MYCL: variants seen among roughly 807,000 people sequenced by gnomAD.
MYCL encodes protein L-Myc.
MYCL carries 11 observed loss-of-function variants against 31.0 expected under a neutral mutation model. The ratio of observed to expected loss-of-function variants is 0.35; its 90% CI spans 0.22 to 0.59. The LOEUF is 0.59. Ranked by LOEUF, MYCL falls within the 20% of genes least tolerant of loss-of-function variation. The pLI is 0.79. For missense variants in MYCL, 427 were observed against 486.1 expected (o/e 0.88, Z 1.14); for synonymous variants, 208 against 202.4 (o/e 1.03, Z -0.23).
rs1644541193 is a variant in MYCL at position 39,901,602 on chromosome 1, C to A, written c.-168G>T. 4.9e-6 allele frequency: 7 copies of A among 1,428,418 alleles called. No homozygotes were observed. In the South Asian group the frequency reaches 1.0e-4, roughly 21 times the overall value. 88.5% of individuals were successfully genotyped at this position (1,428,418 alleles called of 1,614,324 possible). A position where few individuals can be genotyped will look rare whatever the true frequency, so the allele number is the denominator to read the frequency against. On this transcript the variant is annotated 5_prime_UTR_variant, in exon 1 of 2. Coordinates refer to ENST00000372816, the MANE Select transcript of MYCL (RefSeq NM_001033081.3). The surrounding 1 kb of genome is among the most constrained non-coding windows in gnomAD (Gnocchi z 6.9). ...CCTCGCGTCCCGGGAAGCCGGGCCCCGGGTCAGAGTGGTAGGGGAAGCCAA... is the reference window on the plus strand; with the variant it reads ...CCTCGCGTCCCGGGAAGCCGGGCCCAGGGTCAGAGTGGTAGGGGAAGCCAA...
chr1:39,897,313 G>T lies in MYCL; in HGVS notation c.*59C>A. ...ATGTGCAAATTACTAAAGGGGAGAG[G>T]GAGGTTAAAAAATAAACTTGTGTCT... On this transcript the variant is annotated 3_prime_UTR_variant, in exon 2 of 2. Transcript: ENST00000372816. This position sits in a 1 kb window ranked among gnomAD's most constrained non-coding sequence, Gnocchi z 4.3. 1 of 1,454,136 alleles carries T rather than the reference G, an allele frequency of 6.9e-7. No individual in the cohort carries two copies. The highest frequency in any genetic ancestry group is 9.3e-7 in the Non-Finnish European group (1 of 1,073,208). 90.1% of individuals were successfully genotyped at this position (1,454,136 alleles called of 1,614,324 possible).
rs1473230348 is a variant in MYCL, at chr1:39,901,728, C to T, written c.-294G>A. On this transcript the variant is annotated 5_prime_UTR_variant, in exon 1 of 2. Transcript: ENST00000372816. The surrounding 1 kb of genome is among the most constrained non-coding windows in gnomAD (Gnocchi z 6.9). Reference sequence around the variant, plus strand: ...AGGGCCCGGCGGGGCCGGGCGGGGGCGCGCCGTGCCCAGAAGGCAGCCTGC... The same window carrying T: ...AGGGCCCGGCGGGGCCGGGCGGGGGTGCGCCGTGCCCAGAAGGCAGCCTGC... The T allele has an allele frequency of 5.0e-6, 6 of 1,210,216 alleles. No individual in the cohort carries two copies. The highest frequency in any genetic ancestry group is 6.1e-6 in the Non-Finnish European group (6 of 977,526). The allele number at this position is 1,210,216 out of a possible 1,614,324, so 75.0% of individuals were successfully genotyped here.
intron 1 of MYCL, chr1:39,900,464 T>A: frequency 9.8e-7 from 1 of 1,015,430 alleles, no homozygotes; most frequent in Non-Finnish European, 1.2e-6. Flanking sequence ...ATTATTGGCA[T>A]TTTAAAGTAA....
intron 1 of MYCL, chr1:39,899,476 C>T (rs1470965048): frequency 6.9e-6 from 2 of 288,346 alleles, no homozygotes; most frequent in Admixed American, 1.3e-4. Context: ...CAAGTCCAAC[C>T]CCATCGTGTG....
Position 39,901,267 on chromosome 1 carries a change from G to A in MYCL, c.168C>T (p.Pro56=), listed in dbSNP as rs1201282593. 5.0e-6 allele frequency: 8 copies of A among 1,600,890 alleles called. No individual in the cohort carries two copies. The highest frequency in any genetic ancestry group is 4.3e-6 in the Non-Finnish European group (5 of 1,174,324). The change falls in exon 1 of 2, where the codon CCC becomes CCT. Residue 56 remains proline, a synonymous_variant. Coordinates refer to ENST00000372816, the MANE Select transcript of MYCL (RefSeq NM_001033081.3). This position sits in a 1 kb window ranked among gnomAD's most constrained non-coding sequence, Gnocchi z 6.9. ...GCCACGGCTCCGGGGGACCAATCCC[G>A]GGGGCCGGGTCCCCTGCGCCGGGAC... ...GLGPGAGDPA[P]GIGPPEPWPG...
intron 1 of MYCL, chr1:39,899,546 G>T: frequency 1.1e-6 from 1 of 890,736 alleles, no homozygotes; most frequent in Non-Finnish European, 1.3e-6. Context: ...GTAACGTTCT[G>T]GATCTCAAAC....
chr1:39,900,393 C>T (rs752254802), intron 1 of MYCL: 23 of 987,584 alleles, frequency 2.3e-5, no homozygotes, highest in Non-Finnish European at 2.6e-5. Flanking sequence ...ATTCTTCCCT[C>T]CCTGTCTCAG....
rs1448740091 is a variant in MYCL at position 39,897,545 on chromosome 1, C to A, written c.922G>T (p.Val308Leu). Residue 308 changes from valine to leucine, a missense_variant, in exon 2 of 2, where the codon GTG becomes TTG. Transcript: ENST00000372816. This position sits in a 1 kb window ranked among gnomAD's most constrained non-coding sequence, Gnocchi z 4.3. Reference sequence around the variant, plus strand: ...TTGGAGCAGCTGGCCAGGGTGGGCACCTGGTCCCTCAGCGCCAAGAATCGC... The same window carrying A: ...TTGGAGCAGCTGGCCAGGGTGGGCAACTGGTCCCTCAGCGCCAAGAATCGC... ...RSRFLALRDQ[V>L]PTLASCSKAP... 1 of 1,614,208 alleles carries A rather than the reference C, an allele frequency of 6.2e-7. No homozygotes were observed. Among genetic ancestry groups the A allele is most frequent in the South Asian group, 1.1e-5 (1 of 91,080 alleles).
In MYCL at chr1:39,896,451, G is replaced by A. The variant is rs976366600; in HGVS notation, c.*921C>T. The stretch of plus-strand genomic sequence containing the variant: ...CTCTGAGGTGTCTTACACCTGCCTT[G>A]AGAAAAGACTGGGCCTCAAGTGCCC... On this transcript the variant is annotated 3_prime_UTR_variant, in exon 2 of 2. Transcript: ENST00000372816. 2 of 212,196 alleles carry A rather than the reference G, an allele frequency of 9.4e-6. No homozygotes were observed. Among genetic ancestry groups the A allele is most frequent in the African/African-American group, 4.5e-5 (2 of 44,144 alleles). 13.1% of individuals were successfully genotyped at this position (212,196 alleles called of 1,614,324 possible).
At chr1:39,898,355 C>T (rs996669175) in intron 1 of MYCL, among the ~76,000 whole-genome samples, 1 of 152,234 alleles carries the variant, frequency 6.6e-6, no homozygotes, top group Admixed American at 6.5e-5. Flanking sequence ...CAGTCGGGCT[C>T]TTTCATGCCC....
At position 39,901,150 on chromosome 1, in the gene MYCL, C is replaced by T; in HGVS notation, c.285G>A (p.Met95Ile). Residue 95 changes from methionine (M) to isoleucine (I), a missense_variant, in exon 1 of 2, where the codon ATG becomes ATA. Coordinates refer to ENST00000372816, the MANE Select transcript of MYCL (RefSeq NM_001033081.3). The surrounding 1 kb of genome is among the most constrained non-coding windows in gnomAD (Gnocchi z 6.9). ...NYASIIRRDC[M>I]WSGFSARERL... The stretch of plus-strand genomic sequence containing the variant: ...GTTCCCGGGCCGAGAAGCCGCTCCA[C>T]ATGCAGTCACGGCGTATGATGGAGG... 1 of 1,612,574 alleles carries T rather than the reference C, an allele frequency of 6.2e-7. No homozygotes were observed. Among genetic ancestry groups the T allele is most frequent in the Non-Finnish European group, 8.5e-7 (1 of 1,179,446 alleles).
intron 1 of MYCL, 47 bp downstream of exon 1, chr1:39,900,892 C>A: frequency 6.6e-7 from 1 of 1,507,466 alleles, no homozygotes; most frequent in Non-Finnish European, 8.8e-7. Context: ...AGAGCTTTGG[C>A]CACCCATGGG....
At chr1:39,900,634 A>G (rs1352093866) in intron 1 of MYCL, 3 of 1,289,922 alleles carry the variant, frequency 2.3e-6, no homozygotes, top group Non-Finnish European at 3.0e-6. Context: ...ACCCCCTTCA[A>G]TCCCTTACAG....
At chr1:39,900,447 GGCATTTATTAT>G in intron 1 of MYCL, 1 of 1,001,000 alleles carries the variant, frequency 1.0e-6, no homozygotes, top group Non-Finnish European at 1.2e-6. Context: ...ACGAGAAGAG[GGCATTTATTAT>G]TGGCATTTTA....
In MYCL at chr1:39,901,841, G is replaced by T. The variant is rs1378832724; in HGVS notation, c.-407C>A. The T allele has an allele frequency of 7.9e-7, 1 of 1,261,988 alleles. No individual in the cohort carries two copies. The highest frequency in any genetic ancestry group is 1.9e-5 in the South Asian group (1 of 52,400). 78.2% of individuals were successfully genotyped at this position (1,261,988 alleles called of 1,614,324 possible). ...AGCCGCCCGCCACCTGGAGCGGACC[G>T]GCTCCCCGCCGGCTCGGGGCAGCCC... On this transcript the variant is annotated 5_prime_UTR_variant, in exon 1 of 2. Transcript: ENST00000372816. This position sits in a 1 kb window ranked among gnomAD's most constrained non-coding sequence, Gnocchi z 6.9.
intron 1 of MYCL, among the ~76,000 whole-genome samples, chr1:39,899,354 CGT>C (rs780549005): frequency 3.3e-5 from 5 of 152,206 alleles, no homozygotes; most frequent in African/African-American, 4.8e-5. Flanking sequence ...TGTTAAGCCT[CGT>C]GGCTCAGGAA....
chr1:39,895,485 A>C lies in MYCL; in HGVS notation c.*1887T>G, dbSNP rs1644474156. On this transcript the variant is annotated 3_prime_UTR_variant, in exon 2 of 2. Coordinates refer to ENST00000372816, the MANE Select transcript of MYCL (RefSeq NM_001033081.3). ...AGAAGGCAACATTTTAAAATCAGGCAATCAGTAATCACAACTAAATACAAA... is the reference window on the plus strand; with the variant it reads ...AGAAGGCAACATTTTAAAATCAGGCCATCAGTAATCACAACTAAATACAAA... 4.4e-6 allele frequency: 1 copy of C among 226,530 alleles called. No homozygotes were observed. The highest frequency in any genetic ancestry group is 8.8e-6 in the Non-Finnish European group (1 of 113,916). 14.0% of individuals were successfully genotyped at this position (226,530 alleles called of 1,614,324 possible). A position where few individuals can be genotyped will look rare whatever the true frequency, so the allele number is the denominator to read the frequency against.
At chr1:39,899,865 T>G in intron 1 of MYCL, 1 of 985,450 alleles carries the variant, frequency 1.0e-6, no homozygotes, top group Non-Finnish European at 1.2e-6. Flanking sequence ...GTGAGCTTTC[T>G]TGGTCCTAAT....
Position 39,897,112 on chromosome 1 carries a change from T to A in MYCL, c.*260A>T, listed in dbSNP as rs1322802275. On this transcript the variant is annotated 3_prime_UTR_variant, in exon 2 of 2. Transcript: ENST00000372816. The surrounding 1 kb of genome is among the most constrained non-coding windows in gnomAD (Gnocchi z 4.3). ...TGAGCTAGGCAGACCCCAAGGCTCC[T>A]CAGTCAGCTGCCTGCTGGGAAGCCA... is the stretch of plus-strand genomic sequence containing the variant. The A allele has an allele frequency of 2.1e-6, 1 of 478,932 alleles. No individual in the cohort carries two copies. Among genetic ancestry groups the A allele is most frequent in the East Asian group, 3.4e-5 (1 of 29,252 alleles). 29.7% of individuals were successfully genotyped at this position (478,932 alleles called of 1,614,324 possible).
Sources: allele counts gnomAD v4.1 joint callset (sites outside exome capture counted in the v4.1 genomes callset), GRCh38; gene constraint gnomAD v4.1.1; non-coding constraint Gnocchi (gnomAD v3.1); transcripts MANE v1.5; gene names NCBI Gene and HGNC (gene_info 2026-07-23, HGNC 2026-07-21).